The following AAMP variants were observed in gnomAD, a reference collection of about 807,000 sequenced individuals.
AAMP encodes angio associated migratory cell protein.
Under a neutral mutation model 51.1 loss-of-function variants are expected in AAMP, and 12 were observed. The observed-to-expected ratio is 0.23, with a 90% CI of 0.15 to 0.38. The LOEUF is 0.38. Ranked by LOEUF, AAMP falls within the 10% of genes least tolerant of loss-of-function variation. AAMP has a pLI of 1.00. For synonymous variants in AAMP, 210 were observed against 218.7 expected, an observed-to-expected ratio of 0.96 and a Z score of 0.35; for missense variants, 418 against 557.2, an observed-to-expected ratio of 0.75 and a Z score of 2.52.
rs772582472 is a variant in AAMP, at chr2:218,265,802, G to A, written c.879+29C>T. ...GAAGGAGAGGAGTCGGGAAAGCGGAGGCCCCAGCCGGGCTCCAGGTCCACT... is the reference window on the plus strand; with the variant it reads ...GAAGGAGAGGAGTCGGGAAAGCGGAAGCCCCAGCCGGGCTCCAGGTCCACT... On this transcript the variant is annotated intron_variant, in intron 7 of 10. Coordinates refer to ENST00000248450, the MANE Select transcript of AAMP (RefSeq NM_001087.5). The surrounding 1 kb of genome is among the most constrained non-coding windows in gnomAD (Gnocchi z 6.6). The A allele has an allele frequency of 2.5e-6, 4 of 1,596,712 alleles. No homozygotes were observed. The East Asian group carries it at 9.0e-5, about 36-fold the overall frequency.
Position 218,267,071 on chromosome 2 carries a change from G to C in AAMP, c.395-85C>G. The C allele has an allele frequency of 6.6e-7, 1 of 1,519,600 alleles. No individual in the cohort carries two copies. Among genetic ancestry groups the C allele is most frequent in the Non-Finnish European group, 9.0e-7 (1 of 1,107,500 alleles). 94.1% of individuals were successfully genotyped at this position (1,519,600 alleles called of 1,614,324 possible). On this transcript the variant is annotated intron_variant, in intron 3 of 10. Transcript: ENST00000248450. The surrounding 1 kb of genome is among the most constrained non-coding windows in gnomAD (Gnocchi z 4.6). ...ATGTGATTCTGGTATCTGGCCCACT[G>C]AAAGGACCAGCTAGGAAAAAAAGAG... is the stretch of plus-strand genomic sequence containing the variant.
In AAMP at chr2:218,266,683, G is replaced by C. The variant is rs1690637043; in HGVS notation, c.535-96C>G. ...CCACCCAAGGTTTCCTGCCTCTGGG[G>C]TTCCGCGGGGACTTTCCAGGTAGCA... On this transcript the variant is annotated intron_variant, in intron 4 of 10. Transcript: ENST00000248450. The surrounding 1 kb of genome is among the most constrained non-coding windows in gnomAD (Gnocchi z 4.7). 1.2e-5 allele frequency: 19 copies of C among 1,555,760 alleles called. No homozygotes were observed. Among genetic ancestry groups the C allele is most frequent in the Non-Finnish European group, 1.6e-5 (18 of 1,146,630 alleles).
Position 218,266,805 on chromosome 2 carries a change from C to G in AAMP, c.534+42G>C. 6.2e-7 allele frequency: 1 copy of G among 1,611,390 alleles called. No individual in the cohort carries two copies. On this transcript the variant is annotated intron_variant, in intron 4 of 10. Transcript: ENST00000248450. This position sits in a 1 kb window ranked among gnomAD's most constrained non-coding sequence, Gnocchi z 4.7. ...CCTCCCAAGCTTGCACCCCCAACAACCCAAGGCCCCACAGAGCTGACTCCC... is the reference window on the plus strand; with the variant it reads ...CCTCCCAAGCTTGCACCCCCAACAAGCCAAGGCCCCACAGAGCTGACTCCC...
rs376374815 is a variant in AAMP at position 218,264,520 on chromosome 2, G to T, written c.*13C>A. 75 of 1,613,368 alleles carry T rather than the reference G, an allele frequency of 4.6e-5. No individual in the cohort carries two copies. The Middle Eastern group carries it at 6.6e-4, about 14-fold the overall frequency. The stretch of plus-strand genomic sequence containing the variant: ...CCCCTCAACACCAGACACACAGGCA[G>T]GGGCTGCAGCCATTAACGGTCAGGC... On this transcript the variant is annotated 3_prime_UTR_variant, in exon 11 of 11. Coordinates refer to ENST00000248450, the MANE Select transcript of AAMP (RefSeq NM_001087.5).
rs774301014 is a variant in AAMP at position 218,269,413 on chromosome 2, G to T, written c.243C>A (p.Asp81Glu). The change falls in exon 2 of 11, where the codon GAC becomes GAA. Residue 81 changes from aspartate to glutamate, a missense_variant. Transcript: ENST00000248450. Reference sequence around the variant, plus strand: ...GCAATGCAAAGGTGACCTCGCTATCGTCGGGGCCCTCCATGCTGCCGACCA... The same window carrying T: ...GCAATGCAAAGGTGACCTCGCTATCTTCGGGGCCCTCCATGCTGCCGACCA... ...EGVVGSMEGP[D>E]DSEVTFALHS... The T allele has an allele frequency of 6.2e-7, 1 of 1,614,150 alleles. No individual in the cohort carries two copies. Among genetic ancestry groups the T allele is most frequent in the Non-Finnish European group, 8.5e-7 (1 of 1,180,032 alleles).
chr2:218,265,271 C>G lies in AAMP; in HGVS notation c.1075-97G>C. On this transcript the variant is annotated intron_variant, in intron 9 of 10. Transcript: ENST00000248450. This position sits in a 1 kb window ranked among gnomAD's most constrained non-coding sequence, Gnocchi z 6.6. Reference sequence around the variant, plus strand: ...AAAGAGGGACAGCCACACACAAGGGCCAGGCAGGAGCCAGATCTGGGGTAG... The same window carrying G: ...AAAGAGGGACAGCCACACACAAGGGGCAGGCAGGAGCCAGATCTGGGGTAG... The G allele has an allele frequency of 6.4e-7, 1 of 1,552,924 alleles. No individual in the cohort carries two copies. Among genetic ancestry groups the G allele is most frequent in the Admixed American group, 1.9e-5 (1 of 51,894 alleles).
At position 218,265,657 on chromosome 2, in the gene AAMP, G is replaced by A. The variant is rs1334937470; in HGVS notation, c.905C>T (p.Thr302Ile). 6.2e-7 allele frequency: 1 copy of A among 1,613,408 alleles called. No homozygotes were observed. Among genetic ancestry groups the A allele is most frequent in the African/African-American group, 1.3e-5 (1 of 75,040 alleles). Residue 302 changes from threonine (T) to isoleucine (I), a missense_variant, in exon 8 of 11, where the codon ACT (threonine) becomes ATT (isoleucine). Physicochemically the swap from Thr to Ile is moderately conservative, Grantham distance 89 (BLOSUM62 -1). Coordinates refer to ENST00000248450, the MANE Select transcript of AAMP (RefSeq NM_001087.5). This position sits in a 1 kb window ranked among gnomAD's most constrained non-coding sequence, Gnocchi z 6.6. ...GKVVGVFRPETVASQPSLGEG... is the reference protein window; with the variant it reads ...GKVVGVFRPEIVASQPSLGEG... ...TCCCAGGCTGGGCTGGGAGGCCACA[G>A]TCTCAGGTCTAAAAACACCCACCAC...
intron 1 of AAMP, 78 bp downstream of exon 1, chr2:218,269,888 G>T (rs1690750269): frequency 3.8e-6 from 6 of 1,595,388 alleles, no homozygotes; most frequent in Non-Finnish European, 5.1e-6. Flanking sequence ...GGGTGTGGAG[G>T]GGAGCGGGGA....
chr2:218,269,944 C>G (rs1036427597), intron 1 of AAMP, 22 bp downstream of exon 1: 4 of 1,613,910 alleles, frequency 2.5e-6, no homozygotes, highest in Non-Finnish European at 3.4e-6. Context: ...TGTCCCATGG[C>G]CTGAGGAGCG....
rs762133951 is a variant in AAMP, at chr2:218,265,543, C to T, written c.983+36G>A. On this transcript the variant is annotated intron_variant, in intron 8 of 10. Coordinates refer to ENST00000248450, the MANE Select transcript of AAMP (RefSeq NM_001087.5). The surrounding 1 kb of genome is among the most constrained non-coding windows in gnomAD (Gnocchi z 6.6). Reference sequence around the variant, plus strand: ...CGTCCTCCCGGGCCCCCAGCCCAGGCCCCTCCCACAAACCCCTTTCCCCAT... The same window carrying T: ...CGTCCTCCCGGGCCCCCAGCCCAGGTCCCTCCCACAAACCCCTTTCCCCAT... 5 of 1,596,356 alleles carry T rather than the reference C, an allele frequency of 3.1e-6. No homozygotes were observed. Among genetic ancestry groups the T allele is most frequent in the African/African-American group, 1.3e-5 (1 of 74,580 alleles).
In AAMP at chr2:218,270,110, T is replaced by G; in HGVS notation, c.-24A>C. 6.2e-7 allele frequency: 1 copy of G among 1,612,660 alleles called. No homozygotes were observed. ...ATGCGGCGCAAGCGGCGGATCCACT[T>G]CTCTGGGCCCAAACGCCTCCCAGAG... is the stretch of plus-strand genomic sequence containing the variant. On this transcript the variant is annotated 5_prime_UTR_variant, in exon 1 of 11. Coordinates refer to ENST00000248450, the MANE Select transcript of AAMP (RefSeq NM_001087.5).
chr2:218,265,024 T>A lies in AAMP; in HGVS notation c.1225A>T (p.Ser409Cys). The A allele has an allele frequency of 6.2e-7, 1 of 1,613,840 alleles. No homozygotes were observed. The highest frequency in any genetic ancestry group is 8.5e-7 in the Non-Finnish European group (1 of 1,180,022). Residue 409 changes from serine (S) to cysteine (C), a missense_variant, in exon 10 of 11, where the codon AGC becomes TGC. By Grantham distance (112) the Ser-to-Cys change is moderately radical. Transcript: ENST00000248450. This position sits in a 1 kb window ranked among gnomAD's most constrained non-coding sequence, Gnocchi z 6.6. ...HTAEILDFAL[S>C]KDASLVVTTS... ...GCCCTTGGCCAATTCACTTACTTGC[T>A]GAGGGCAAAGTCCAGGATCTCAGCC...
intron 10 of AAMP, 58 bp from the exon 11 acceptor site, chr2:218,264,666 G>A: frequency 6.6e-7 from 1 of 1,521,188 alleles, no homozygotes; most frequent in East Asian, 2.3e-5. Flanking sequence ...ACCACCTAGG[G>A]GCCCTAGGGT....
chr2:218,264,622 G>A lies in AAMP; in HGVS notation c.1230-14C>T. 6.2e-7 allele frequency: 1 copy of A among 1,612,768 alleles called. No individual in the cohort carries two copies. The highest frequency in any genetic ancestry group is 8.5e-7 in the Non-Finnish European group (1 of 1,178,710). On this transcript the variant is annotated splice_polypyrimidine_tract_variant and intron_variant, in intron 10 of 10. Coordinates refer to ENST00000248450, the MANE Select transcript of AAMP (RefSeq NM_001087.5). Reference sequence around the variant, plus strand: ...AGGGAGGCATCTCTGTAAACAGAAAGCATGTGATTGCAGAGACTGGGGGAC... The same window carrying A: ...AGGGAGGCATCTCTGTAAACAGAAAACATGTGATTGCAGAGACTGGGGGAC...
rs765648962 is a variant in AAMP, at chr2:218,265,172, C to T, written c.1077G>A (p.Ser359=). ...QTLRHQCQHQ[S]GIVQLLWEAG... is the part of the protein sequence containing the mutation. ...CCTCCCACAGCAGCTGCACGATGCC[C>T]GACTGCCCCGAGGAATGACAGAGGC... is the stretch of plus-strand genomic sequence containing the variant. Residue 359 remains serine (S), a splice_region_variant and synonymous_variant, in exon 10 of 11, where the codon TCG becomes TCA. Transcript: ENST00000248450. This position sits in a 1 kb window ranked among gnomAD's most constrained non-coding sequence, Gnocchi z 6.6. 42 of 1,581,668 alleles carry T rather than the reference C, an allele frequency of 2.7e-5. No individual in the cohort carries two copies. In the East Asian group the frequency reaches 6.9e-4, roughly 26 times the overall value.
chr2:218,264,879 G>A (rs1690584745), intron 10 of AAMP, 141 bp downstream of exon 10: 2 of 1,374,126 alleles, frequency 1.5e-6, no homozygotes, highest in Non-Finnish European at 2.0e-6. Flanking sequence ...ACTGGAATGG[G>A]GGCTGGGCTG....
At chr2:218,264,681 T>TGGAGGAGC in intron 10 of AAMP, 73 bp from the exon 11 acceptor site, 4 of 1,333,796 alleles carry the variant, frequency 3.0e-6, no homozygotes, top group Non-Finnish European at 4.3e-6. Context: ...TAGGGTGGGC[T>TGGAGGAGC]CCTCCAGCAC....
At chr2:218,269,713 ACCGT>A in intron 1 of AAMP, 179 bp from the exon 2 acceptor site, 1 of 1,155,836 alleles carries the variant, frequency 8.7e-7, no homozygotes, top group South Asian at 1.4e-5. Context: ...CTGGCCAGAG[ACCGT>A]GCGGTAAGGG....
chr2:218,268,444 T>G lies in AAMP; in HGVS notation c.275-831A>C, dbSNP rs549795510. On this transcript the variant is annotated intron_variant, in intron 2 of 10. Coordinates refer to ENST00000248450, the MANE Select transcript of AAMP (RefSeq NM_001087.5). ...ACCTCTGCCTCCCAGGTTCAAGTGA[T>G]TCTCCTTCCTCAGCCTCCGGAGTAG... Among the ~76,000 whole-genome samples the G allele has an allele frequency of 1.4e-4, 22 of 152,200 alleles. No individual in the cohort carries two copies. The Middle Eastern group carries it at 0.01, about 71-fold the overall frequency.
Sources: gnomAD v4.1 joint callset for allele counts (sites outside exome capture counted in the v4.1 genomes callset) on GRCh38, gnomAD v4.1.1 for gene constraint, Gnocchi (gnomAD v3.1) non-coding constraint, MANE v1.5 for transcripts, NCBI Gene and HGNC (gene_info 2026-07-23, HGNC 2026-07-21) for gene names.